The following ABTB3 variants were observed in gnomAD, a reference collection of about 807,000 sequenced individuals.
The protein encoded by ABTB3 is ankyrin repeat and BTB domain containing 3.
chr12:107,615,780 G>T, the ABTB3 span, among the ~76,000 whole-genome samples: 2 of 152,184 alleles, frequency 1.3e-5, no homozygotes, highest in African/African-American at 4.8e-5. Context: ...CTGTTGTAGA[G>T]TTGGTGTTCA....
chr12:107,575,149 A>G, the ABTB3 span, among the ~76,000 whole-genome samples: 1 of 152,218 alleles, frequency 6.6e-6, no homozygotes, highest in Non-Finnish European at 1.5e-5. Flanking sequence ...CAGTCTAAGA[A>G]ACACTCAACA....
the ABTB3 span, among the ~76,000 whole-genome samples, chr12:107,495,414 G>A: frequency 5.3e-5 from 8 of 152,204 alleles, no homozygotes; most frequent in African/African-American, 1.9e-4. Context: ...GGCCCGGCAG[G>A]CCAGTCCCAG....
At chr12:107,474,436 C>T in the ABTB3 span, among the ~76,000 whole-genome samples, 3 of 152,290 alleles carry the variant, frequency 2.0e-5, no homozygotes, top group East Asian at 3.9e-4. Context: ...CTCCAAACAG[C>T]GGGCTCTTTC....
the ABTB3 span, among the ~76,000 whole-genome samples, chr12:107,338,439 A>G: frequency 1.3e-5 from 2 of 152,202 alleles, no homozygotes; most frequent in Non-Finnish European, 2.9e-5. Context: ...AGGGTGAAGT[A>G]TCTTGCCCTA....
chr12:107,613,901 GA>G, the ABTB3 span, among the ~76,000 whole-genome samples: 1 of 152,054 alleles, frequency 6.6e-6, no homozygotes, highest in African/African-American at 2.4e-5. Flanking sequence ...TTTATCTGAG[GA>G]AAGCAGACAA....
At chr12:107,336,403 G>C in the ABTB3 span, among the ~76,000 whole-genome samples, 1 of 152,248 alleles carries the variant, frequency 6.6e-6, no homozygotes, top group African/African-American at 2.4e-5. Flanking sequence ...TCTGAAGACA[G>C]TCTGGCTGCA....
At chr12:107,629,193 G>A in the ABTB3 span, among the ~76,000 whole-genome samples, 1 of 152,112 alleles carries the variant, frequency 6.6e-6, no homozygotes, top group African/African-American at 2.4e-5. Context: ...GAGGCAGGAG[G>A]ATCTCTTGAG....
chr12:107,596,625 C>T, the ABTB3 span, among the ~76,000 whole-genome samples: 1 of 151,998 alleles, frequency 6.6e-6, no homozygotes, highest in Non-Finnish European at 1.5e-5. Flanking sequence ...AAAAAAACAA[C>T]AACAACAACA....
chr12:107,649,499 T>C, the ABTB3 span: 2 of 529,702 alleles, frequency 3.8e-6, no homozygotes, highest in South Asian at 2.4e-5. Context: ...GCTAGTGCAC[T>C]TGCTTGCCTG....
At chr12:107,463,621 T>A in the ABTB3 span, among the ~76,000 whole-genome samples, 9 of 152,138 alleles carry the variant, frequency 5.9e-5, no homozygotes, top group African/African-American at 1.9e-4. Flanking sequence ...CCAAAGTTTG[T>A]CCCTAAGCCA....
chr12:107,445,044 C>T, the ABTB3 span, among the ~76,000 whole-genome samples: 2 of 152,338 alleles, frequency 1.3e-5, no homozygotes, highest in South Asian at 4.1e-4. Flanking sequence ...TGCCTCTGAT[C>T]GTGGCTCTCC....
At chr12:107,428,617 A>G in the ABTB3 span, among the ~76,000 whole-genome samples, 3 of 152,206 alleles carry the variant, frequency 2.0e-5, no homozygotes, top group African/African-American at 7.2e-5. Context: ...TTCTCATTAA[A>G]GCATCCTTGA....
chr12:107,557,160 G>A, the ABTB3 span, among the ~76,000 whole-genome samples: 4 of 152,302 alleles, frequency 2.6e-5, no homozygotes, highest in South Asian at 8.3e-4. Context: ...ATCATTAGGT[G>A]ATTTTGTCAT....
At chr12:107,368,034 G>T in the ABTB3 span, among the ~76,000 whole-genome samples, 1 of 152,178 alleles carries the variant, frequency 6.6e-6, no homozygotes, top group Non-Finnish European at 1.5e-5. Flanking sequence ...CATGTTGGTT[G>T]TACATCTAGC....
At chr12:107,423,530 G>A in the ABTB3 span, among the ~76,000 whole-genome samples, 1 of 152,194 alleles carries the variant, frequency 6.6e-6, no homozygotes, top group Non-Finnish European at 1.5e-5. Flanking sequence ...AAGGAGGATG[G>A]AGAAGTGGGA....
chr12:107,648,658 G>A, the ABTB3 span, among the ~76,000 whole-genome samples: 4 of 152,122 alleles, frequency 2.6e-5, no homozygotes, highest in Non-Finnish European at 5.9e-5. Flanking sequence ...GACCCCTCAT[G>A]GCTTCACCAT....
At chr12:107,538,502 A>G in the ABTB3 span, among the ~76,000 whole-genome samples, 2 of 152,066 alleles carry the variant, frequency 1.3e-5, no homozygotes, top group Non-Finnish European at 2.9e-5. Context: ...GGCTCCTCCA[A>G]CTTTTCATAG....
At chr12:107,404,712 G>A in the ABTB3 span, among the ~76,000 whole-genome samples, 246 of 152,196 alleles carry the variant, frequency 1.6e-3, 1 homozygote, top group African/African-American at 5.5e-3. Context: ...CTGCTTGTTC[G>A]AGGCAGGTGC....
At chr12:107,387,465 C>T in the ABTB3 span, among the ~76,000 whole-genome samples, 2 of 152,154 alleles carry the variant, frequency 1.3e-5, no homozygotes, top group South Asian at 2.1e-4. Flanking sequence ...GCTGAGGGCT[C>T]AGCAGTGGCA....
Sources: gnomAD v4.1 joint callset for allele counts (sites outside exome capture counted in the v4.1 genomes callset) on GRCh38, gnomAD v4.1.1 for gene constraint, MANE v1.5 for transcripts, NCBI Gene and HGNC (gene_info 2026-07-23, HGNC 2026-07-21) for gene names.